SLC35F2: variants seen among roughly 807,000 people sequenced by gnomAD.
SLC35F2 encodes the protein queuine/queuosine transporter SLC35F2.
SLC35F2 carries 25 observed loss-of-function variants against 38.1 expected under a neutral mutation model. The observed-to-expected ratio is 0.66, with a 90% CI of 0.48 to 0.92. The LOEUF (loss-of-function observed/expected upper bound fraction) is 0.92. SLC35F2 is among the 40% of genes least tolerant of loss of function. SLC35F2 has a pLI of 0.00. For missense variants in SLC35F2, 409 were observed against 452.9 expected (o/e 0.90, Z 0.88); for synonymous variants, 173 against 181.7 (o/e 0.95, Z 0.38).
At chr11:107,806,201 T>C (rs2134776141) in intron 4 of SLC35F2, among the ~76,000 whole-genome samples, 1 of 152,324 alleles carries the variant, frequency 6.6e-6, no homozygotes, top group Middle Eastern at 3.4e-3. Context: ...ATATATATCA[T>C]AATGTAAGGC....
rs1291205588 is a variant in SLC35F2, at chr11:107,791,009, A to G, written c.*1606T>C. The G allele has an allele frequency of 6.5e-6, 1 of 152,676 alleles. No homozygotes were observed. The highest frequency in any genetic ancestry group is 1.5e-5 in the Non-Finnish European group (1 of 68,052). 9.5% of individuals were successfully genotyped at this position (152,676 alleles called of 1,614,324 possible). On this transcript the variant is annotated 3_prime_UTR_variant, in exon 8 of 8. Transcript: ENST00000525815. ...CAGTTGATGTATTTCCATGAATTCA[A>G]AGCCTTTTAATGATGTGAACACTTA... is the stretch of plus-strand genomic sequence containing the variant.
At chr11:107,838,288 T>G (rs1859960713) in intron 1 of SLC35F2, among the ~76,000 whole-genome samples, 1 of 152,168 alleles carries the variant, frequency 6.6e-6, no homozygotes, top group Non-Finnish European at 1.5e-5. Flanking sequence ...TAAATGTGTG[T>G]GGGTGCCATA....
intron 2 of SLC35F2, among the ~76,000 whole-genome samples, chr11:107,814,994 C>T (rs931248227): frequency 2.6e-5 from 4 of 151,988 alleles, no homozygotes; most frequent in African/African-American, 9.7e-5. Context: ...ACAAGAATCA[C>T]TTGAACCCAG....
At chr11:107,819,635 C>T (rs1218082904) in intron 1 of SLC35F2, among the ~76,000 whole-genome samples, 1 of 152,126 alleles carries the variant, frequency 6.6e-6, no homozygotes, top group African/African-American at 2.4e-5. Flanking sequence ...CCAGGAGTCT[C>T]CAGGAATGTG....
intron 1 of SLC35F2, among the ~76,000 whole-genome samples, chr11:107,835,824 A>G (rs1226429597): frequency 6.6e-6 from 1 of 152,202 alleles, no homozygotes; most frequent in Non-Finnish European, 1.5e-5. Flanking sequence ...TTCACAATAC[A>G]GCAGTGAAGA....
Position 107,792,436 on chromosome 11 carries a change from C to CTAT in SLC35F2, c.*176_*178dup, listed in dbSNP as rs1859148638. On this transcript the variant is annotated 3_prime_UTR_variant, in exon 8 of 8. Transcript: ENST00000525815. ...ACACACTCTTAGCTTGGTTTCTGCTCTATTTTGGTATTTCTACTTTTGAAC... is the reference window on the plus strand; with the variant it reads ...ACACACTCTTAGCTTGGTTTCTGCTCTATTATTTTGGTATTTCTACTTTTGAAC... The CTAT allele has an allele frequency of 1.5e-6, 1 of 666,790 alleles. No individual in the cohort carries two copies. Among genetic ancestry groups the CTAT allele is most frequent in the Admixed American group, 3.4e-5 (1 of 29,346 alleles). 41.3% of individuals were successfully genotyped at this position (666,790 alleles called of 1,614,324 possible).
intron 1 of SLC35F2, among the ~76,000 whole-genome samples, chr11:107,842,486 TG>T (rs1032730116): frequency 6.6e-6 from 1 of 151,896 alleles, no homozygotes; most frequent in Admixed American, 6.6e-5. Flanking sequence ...CCCAAGTAGC[TG>T]GGATTACAGG....
Position 107,829,429 on chromosome 11 carries a change from A to C in SLC35F2, c.111-13464T>G, listed in dbSNP as rs568533766. ...GTGAGACTACATCTCAAAAAAAAAAAAAACTTGTTTGACTCCCAGTGCACC... is the reference window on the plus strand; with the variant it reads ...GTGAGACTACATCTCAAAAAAAAAACAAACTTGTTTGACTCCCAGTGCACC... On this transcript the variant is annotated intron_variant, in intron 1 of 7. Transcript: ENST00000525815. Among the ~76,000 whole-genome samples, 17 of 152,002 alleles carry C rather than the reference A, an allele frequency of 1.1e-4. No individual in the cohort carries two copies. The South Asian group carries it at 3.3e-3, about 30-fold the overall frequency.
At chr11:107,796,806 CTACAGGTGTGCA>C (rs1859224233) in intron 7 of SLC35F2, among the ~76,000 whole-genome samples, 1 of 152,062 alleles carries the variant, frequency 6.6e-6, no homozygotes, top group South Asian at 2.1e-4. Context: ...TTAGCTGGGA[CTACAGGTGTGCA>C]CCAACATACC....
chr11:107,833,279 T>TAA (rs1305049570), intron 1 of SLC35F2, among the ~76,000 whole-genome samples: 1 of 152,038 alleles, frequency 6.6e-6, no homozygotes, highest in African/African-American at 2.4e-5. Context: ...CCCAGCACTT[T>TAA]GGGAGGCTGA....
rs550528963 is a variant in SLC35F2 at position 107,805,581 on chromosome 11, A to C, written c.575-66T>G. 1.0e-3 allele frequency: 1,556 copies of C among 1,543,366 alleles called. 1 individual carries two copies. The highest frequency in any genetic ancestry group is 1.3e-3 in the Non-Finnish European group (1,497 of 1,149,098). On this transcript the variant is annotated intron_variant, in intron 4 of 7. Transcript: ENST00000525815. Reference sequence around the variant, plus strand: ...AGATGAACCTCCACAGCGTGCCTCCAGGCGGTCATCTGACTCGTGTTCATT... The same window carrying C: ...AGATGAACCTCCACAGCGTGCCTCCCGGCGGTCATCTGACTCGTGTTCATT...
At chr11:107,824,721 A>C (rs890140946) in intron 1 of SLC35F2, among the ~76,000 whole-genome samples, 1 of 152,174 alleles carries the variant, frequency 6.6e-6, no homozygotes, top group African/African-American at 2.4e-5. Context: ...TAACCTATAA[A>C]AGTACCTAGC....
intron 7 of SLC35F2, among the ~76,000 whole-genome samples, chr11:107,801,701 G>GA (rs377656376): frequency 0.018 from 2,688 of 149,010 alleles, 66 homozygotes; most frequent in African/African-American, 0.057. Context: ...TGTGAAGTTG[G>GA]AAAAAAAAAA....
intron 2 of SLC35F2, among the ~76,000 whole-genome samples, chr11:107,813,406 T>C (rs896638581): frequency 2.0e-5 from 3 of 151,934 alleles, no homozygotes; most frequent in African/African-American, 7.2e-5. Flanking sequence ...GATTGTGCCA[T>C]TGACCTGAAA....
intron 1 of SLC35F2, among the ~76,000 whole-genome samples, chr11:107,829,320 G>A (rs960339876): frequency 6.6e-6 from 1 of 151,722 alleles, no homozygotes; most frequent in Non-Finnish European, 1.5e-5. Context: ...TTGGGAGGCT[G>A]AAGCAGGAGA....
intron 1 of SLC35F2, among the ~76,000 whole-genome samples, chr11:107,856,091 G>C (rs1439581961): frequency 6.9e-4 from 82 of 118,284 alleles, no homozygotes; most frequent in African/African-American, 2.8e-3. Flanking sequence ...GGCAACAAGA[G>C]CAAAACTCTG....
rs1186372144 is a variant in SLC35F2 at position 107,806,866 on chromosome 11, C to T, written c.425G>A (p.Cys142Tyr). The T allele has an allele frequency of 6.2e-7, 1 of 1,613,304 alleles. No homozygotes were observed. The highest frequency in any genetic ancestry group is 8.5e-7 in the Non-Finnish European group (1 of 1,179,594). Residue 142 changes from cysteine to tyrosine, a missense_variant, in exon 4 of 8, where the codon TGC becomes TAC. By Grantham distance (194) the Cys-to-Tyr change is radical. Transcript: ENST00000525815. The stretch of plus-strand genomic sequence containing the variant: ...AGCCATCAACACAGGAATCCCAAAG[C>T]AATCCAAAAGCTGCATGGAAAGAGA... Reference protein sequence around the residue: ...TTLTSVQLLDCFGIPVLMALS... With the variant: ...TTLTSVQLLDYFGIPVLMALS...
chr11:107,854,406 T>A (rs1860245241), intron 1 of SLC35F2, among the ~76,000 whole-genome samples: 2 of 152,032 alleles, frequency 1.3e-5, no homozygotes, highest in African/African-American at 4.8e-5. Context: ...CACTCCAGCC[T>A]GGCCAACAGA....
chr11:107,801,490 G>T (rs1859310451), intron 7 of SLC35F2, among the ~76,000 whole-genome samples: 2 of 151,810 alleles, frequency 1.3e-5, no homozygotes, highest in South Asian at 4.2e-4. Context: ...TTCTTAATGA[G>T]TTAATAAGTA....
Sources: gnomAD v4.1 joint callset for allele counts (sites outside exome capture counted in the v4.1 genomes callset) on GRCh38, gnomAD v4.1.1 for gene constraint, MANE v1.5 for transcripts, NCBI Gene and HGNC (gene_info 2026-07-23, HGNC 2026-07-21) for gene names.